The following TUBD1 variants were observed in gnomAD, a reference collection of about 807,000 sequenced individuals.
TUBD1 encodes tubulin delta 1, also known as tubulin delta chain.
A neutral mutation model predicts 51.2 loss-of-function variants in TUBD1; 38 were observed. That is an observed-to-expected ratio of 0.74 (90% CI 0.57 to 0.97). The LOEUF is 0.97. Among genes scored for constraint, TUBD1 ranks in the 50% least tolerant of loss-of-function variants. The probability of loss-of-function intolerance (pLI) is 0.00; values close to 1 mark genes in which losing one functional copy is unlikely to be tolerated. For synonymous variants in TUBD1, 169 were observed against 178.2 expected (o/e 0.95, Z 0.41); for missense variants, 489 against 538.4 (o/e 0.91, Z 0.91).
chr17:59,878,270 A>T lies in TUBD1; in HGVS notation c.602T>A (p.Leu201His), dbSNP rs1461975896. The T allele has an allele frequency of 3.7e-6, 6 of 1,614,114 alleles. No individual in the cohort carries two copies. The highest frequency in any genetic ancestry group is 5.1e-6 in the Non-Finnish European group (6 of 1,180,030). Reference protein sequence around the residue: ...LSHLYRSSDALLLHENDAIHK... With the variant: ...LSHLYRSSDAHLLHENDAIHK... ...GATGGCATCATTCTCATGAAGAAGG[A>T]GGGCGTCTGAAGATCGGTACAAGTG... The change falls in exon 5 of 9, where the codon CTC becomes CAC. Residue 201 changes from leucine to histidine, a missense_variant. Coordinates refer to ENST00000325752, the MANE Select transcript of TUBD1 (RefSeq NM_016261.4).
At chr17:59,868,203 G>T (rs796253812) in intron 6 of TUBD1, among the ~76,000 whole-genome samples, 8 of 136,224 alleles carry the variant, frequency 5.9e-5, no homozygotes, top group African/African-American at 2.2e-4. Flanking sequence ...AGAATCGTTT[G>T]AACCCAGGAG....
At chr17:59,881,147 T>C (rs1337565418) in intron 3 of TUBD1, 37 bp from the exon 4 acceptor site, 1 of 1,484,198 alleles carries the variant, frequency 6.7e-7, no homozygotes, top group East Asian at 2.3e-5. Context: ...CAAACACTTT[T>C]CAATTTAACC....
In TUBD1 at chr17:59,890,732, G is replaced by A. The variant is rs866666901; in HGVS notation, c.172+99C>T. The A allele has an allele frequency of 9.2e-6, 9 of 983,282 alleles. No individual in the cohort carries two copies. In the South Asian group the frequency reaches 1.8e-4, roughly 20 times the overall value. The allele number at this position is 983,282 out of a possible 1,614,324, so 60.9% of individuals were successfully genotyped here. On this transcript the variant is annotated intron_variant, in intron 2 of 8. Coordinates refer to ENST00000325752, the MANE Select transcript of TUBD1 (RefSeq NM_016261.4). The stretch of plus-strand genomic sequence containing the variant: ...AGCAAAAACAAAGTAATTCCCTAGT[G>A]AGATGGGAAGGAATGGGGTTTAAAA...
chr17:59,891,728 GGAGGCT>G (rs1940685722), intron 1 of TUBD1: 4 of 152,252 alleles, frequency 2.6e-5, no homozygotes, highest in Admixed American at 2.6e-4. Flanking sequence ...CAGCATTTTG[GGAGGCT>G]GAGTTGGGAG....
chr17:59,884,576 T>C (rs946747745), intron 3 of TUBD1: 2 of 152,268 alleles, frequency 1.3e-5, no homozygotes, highest in Non-Finnish European at 2.9e-5. Flanking sequence ...ATTGCGCCAC[T>C]GCACTCCAGC....
chr17:59,886,956 G>A lies in TUBD1; in HGVS notation c.173-726C>T, dbSNP rs1042257680. ...TCCCAGCACTTTGGGAGGCCGAGGC[G>A]GGCGGATCATCTGAGGTCAGGAGTT... On this transcript the variant is annotated intron_variant, in intron 2 of 8. Coordinates refer to ENST00000325752, the MANE Select transcript of TUBD1 (RefSeq NM_016261.4). 4.6e-5 allele frequency among the ~76,000 whole-genome samples: 7 copies of A among 151,928 alleles called. No individual in the cohort carries two copies. The East Asian group carries it at 7.7e-4, about 17-fold the overall frequency.
rs750990553 is a variant in TUBD1 at position 59,880,953 on chromosome 17, C to A, written c.478G>T (p.Asp160Tyr). The A allele has an allele frequency of 9.9e-6, 16 of 1,614,006 alleles. No homozygotes were observed. Among genetic ancestry groups the A allele is most frequent in the Non-Finnish European group, 1.4e-5 (16 of 1,180,038 alleles). ...ATTTTCAATGAGTTTGAGTACTGAT[C>A]TTCTAAATTCTGTGTAACGAAAGCT... Reference protein sequence around the residue: ...LGAFVTQNLEDQYSNSLKMNQ... With the variant: ...LGAFVTQNLEYQYSNSLKMNQ... Residue 160 changes from aspartate to tyrosine, a missense_variant, in exon 4 of 9, where the codon GAT (aspartate) becomes TAT (tyrosine). Asp to Tyr is a radical substitution (Grantham distance 160, BLOSUM62 -3). Transcript: ENST00000325752.
chr17:59,870,393 A>C (rs1288158761), intron 6 of TUBD1, among the ~76,000 whole-genome samples: 12 of 80,486 alleles, frequency 1.5e-4, no homozygotes, highest in Middle Eastern at 0.018. Context: ...AAAAAAAAAA[A>C]AAAAAAAAAA....
chr17:59,878,208 T>G lies in TUBD1; in HGVS notation c.664A>C (p.Ile222Leu). The part of the protein sequence containing the change: ...ICAKLMNIKQ[I>L]SFSDINQVLA... ...ACTTGATTGATATCACTAAAGGAGA[T>G]CTGCTTGATATTCATCAGTTTTGCA... The change falls in exon 5 of 9, where the codon ATC becomes CTC. Residue 222 changes from isoleucine to leucine, a missense_variant. Ile to Leu is a conservative substitution (Grantham distance 5). Transcript: ENST00000325752. 3 of 1,614,130 alleles carry G rather than the reference T, an allele frequency of 1.9e-6. No homozygotes were observed. Among genetic ancestry groups the G allele is most frequent in the Non-Finnish European group, 2.5e-6 (3 of 1,180,020 alleles).
Position 59,871,402 on chromosome 17 carries a change from T to C in TUBD1, c.934+3137A>G, listed in dbSNP as rs867225287. The stretch of plus-strand genomic sequence containing the variant: ...TTTTAGTAGAGACGGGGTTTCACCA[T>C]GTTAGCAAGGATGGTCTCGATCTCT... On this transcript the variant is annotated intron_variant, in intron 6 of 8. Coordinates refer to ENST00000325752, the MANE Select transcript of TUBD1 (RefSeq NM_016261.4). Among the ~76,000 whole-genome samples the C allele has an allele frequency of 8.5e-5, 13 of 152,096 alleles. No homozygotes were observed. The South Asian group carries it at 1.2e-3, about 15-fold the overall frequency.
intron 8 of TUBD1, among the ~76,000 whole-genome samples, chr17:59,862,714 ATT>A (rs71145582): frequency 1.3e-3 from 76 of 56,968 alleles, no homozygotes; most frequent in African/African-American, 5.6e-3. Context: ...TAATTTTTGT[ATT>A]TTTTTTTTTT....
chr17:59,863,281 G>A (rs956897100), intron 8 of TUBD1, among the ~76,000 whole-genome samples: 1 of 152,038 alleles, frequency 6.6e-6, no homozygotes, highest in Non-Finnish European at 1.5e-5. Flanking sequence ...CCTGCAGATC[G>A]GACCTCATGC....
chr17:59,886,033 TTGAC>T, intron 3 of TUBD1, 46 bp downstream of exon 3: 1 of 1,593,102 alleles, frequency 6.3e-7, no homozygotes, highest in East Asian at 2.2e-5. Flanking sequence ...TATCTATTAA[TTGAC>T]TGTGTAGCTG....
chr17:59,878,248 GGCATC>G lies in TUBD1; in HGVS notation c.619_623del (p.Asp207HisfsTer3). On this transcript the variant is annotated frameshift_variant, in exon 5 of 9. Coordinates refer to ENST00000325752, the MANE Select transcript of TUBD1 (RefSeq NM_016261.4). LOFTEE classifies it high-confidence loss of function. ...TCAGTTTTGCACAGATCTTATGGAT[GGCATC>G]ATTCTCATGAAGAAGGAGGGCGTCT... 1 of 1,614,044 alleles carries G rather than the reference GGCATC, an allele frequency of 6.2e-7. No homozygotes were observed. The highest frequency in any genetic ancestry group is 8.5e-7 in the Non-Finnish European group (1 of 1,179,986).
chr17:59,889,576 G>T (rs1490215295), intron 2 of TUBD1, among the ~76,000 whole-genome samples: 1 of 150,392 alleles, frequency 6.6e-6, no homozygotes, highest in South Asian at 2.1e-4. Flanking sequence ...GGCTGAGGCA[G>T]GAGAATTGCT....
chr17:59,880,957 T>C lies in TUBD1; in HGVS notation c.474A>G (p.Leu158=). 6.2e-7 allele frequency: 1 copy of C among 1,614,216 alleles called. No homozygotes were observed. The highest frequency in any genetic ancestry group is 2.2e-5 in the East Asian group (1 of 44,882). ...TCAATGAGTTTGAGTACTGATCTTC[T>C]AAATTCTGTGTAACGAAAGCTCCTA... The part of the protein sequence containing the change: ...SGLGAFVTQN[L]EDQYSNSLKM... The change falls in exon 4 of 9, where the codon TTA becomes TTG. Residue 158 remains leucine, a synonymous_variant. Transcript: ENST00000325752.
chr17:59,869,015 T>C (rs1486953014), intron 6 of TUBD1, among the ~76,000 whole-genome samples: 1 of 149,610 alleles, frequency 6.7e-6, no homozygotes, highest in Non-Finnish European at 1.5e-5. Flanking sequence ...AAACCCCATC[T>C]CAAAAACAAA....
chr17:59,882,783 TTC>T (rs1407898669), intron 3 of TUBD1, among the ~76,000 whole-genome samples: 1 of 151,712 alleles, frequency 6.6e-6, no homozygotes, highest in Non-Finnish European at 1.5e-5. Context: ...CCTGGCTAAT[TTC>T]TTTCTTTTTT....
At chr17:59,882,020 A>T (rs1285596273) in intron 3 of TUBD1, among the ~76,000 whole-genome samples, 2 of 151,970 alleles carry the variant, frequency 1.3e-5, no homozygotes, top group African/African-American at 4.8e-5. Flanking sequence ...ATAATTTCCT[A>T]ACTGTATTAT....
Sources: gnomAD v4.1 joint callset for allele counts (sites outside exome capture counted in the v4.1 genomes callset) on GRCh38, gnomAD v4.1.1 for gene constraint, MANE v1.5 for transcripts, NCBI Gene and HGNC (gene_info 2026-07-23, HGNC 2026-07-21) for gene names.